LRP1: variants seen among roughly 807,000 people sequenced by gnomAD.
LRP1 encodes the protein prolow-density lipoprotein receptor-related protein 1.
A neutral mutation model predicts 541.5 loss-of-function variants in LRP1; 51 were observed. That is an observed-to-expected ratio of 0.09 (90% CI 0.08 to 0.12). The LOEUF is 0.12. Among genes scored for constraint, LRP1 ranks in the 10% least tolerant of loss-of-function variants. LRP1 has a pLI of 1.00. For missense variants in LRP1, 3,878 were observed against 6,376.2 expected, an observed-to-expected ratio of 0.61 and a Z score of 13.34; for synonymous variants, 2,219 against 2,470.8, an observed-to-expected ratio of 0.90 and a Z score of 3.02.
chr12:57,141,128 TGG>T (rs2035281189), intron 2 of LRP1, among the ~76,000 whole-genome samples: 1 of 152,152 alleles, frequency 6.6e-6, no homozygotes, highest in Non-Finnish European at 1.5e-5. Context: ...CTGGGGTCCA[TGG>T]GAATGGGGCA....
At chr12:57,151,329 T>C (rs1431087133) in intron 6 of LRP1, among the ~76,000 whole-genome samples, 1 of 152,198 alleles carries the variant, frequency 6.6e-6, no homozygotes, top group Admixed American at 6.5e-5. Context: ...AATGGGCAGC[T>C]GTGGTCTCTC....
chr12:57,177,835 C>CTCCA lies in LRP1; in HGVS notation c.4361+245_4361+248dup, dbSNP rs1197278664. ...GTGGTTATTCACACTGTACCATCCTCTCCACTCACCTGTCCTCTCCACTCT... is the reference window on the plus strand; with the variant it reads ...GTGGTTATTCACACTGTACCATCCTCTCCATCCACTCACCTGTCCTCTCCACTCT... On this transcript the variant is annotated intron_variant, in intron 26 of 88. Coordinates refer to ENST00000243077, the MANE Select transcript of LRP1 (RefSeq NM_002332.3). The surrounding 1 kb of genome is among the most constrained non-coding windows in gnomAD (Gnocchi z 6.8). Among the ~76,000 whole-genome samples the CTCCA allele has an allele frequency of 6.6e-6, 1 of 152,116 alleles. No homozygotes were observed. Among genetic ancestry groups the CTCCA allele is most frequent in the African/African-American group, 2.4e-5 (1 of 41,422 alleles).
chr12:57,212,597 C>T lies in LRP1; in HGVS notation c.*42C>T. The T allele has an allele frequency of 2.6e-6, 4 of 1,539,128 alleles. No individual in the cohort carries two copies. Among genetic ancestry groups the T allele is most frequent in the Admixed American group, 2.0e-5 (1 of 50,758 alleles). ...ACTGCCCCCAGAAAGCCTCCTGCCC[C>T]CTGCCAGTGAAGTCCTTCAGTGAGC... On this transcript the variant is annotated 3_prime_UTR_variant, in exon 89 of 89. Coordinates refer to ENST00000243077, the MANE Select transcript of LRP1 (RefSeq NM_002332.3). The surrounding 1 kb of genome is among the most constrained non-coding windows in gnomAD (Gnocchi z 5.0).
intron 42 of LRP1, among the ~76,000 whole-genome samples, chr12:57,188,213 C>T (rs1241770919): frequency 1.3e-5 from 2 of 152,180 alleles, no homozygotes; most frequent in African/African-American, 2.4e-5. Context: ...TCTGTTCTCC[C>T]GCAGGGGCAG....
rs140738482 is a variant in LRP1 at position 57,147,128 on chromosome 12, G to A, written c.841+1638G>A. Among the ~76,000 whole-genome samples the A allele has an allele frequency of 2.8e-4, 43 of 151,984 alleles. No individual in the cohort carries two copies. The Middle Eastern group carries it at 0.01, about 36-fold the overall frequency. ...CTGCTAAACTCACTGGGCCTCTCAG[G>A]GGCAGAGTCCAGGAGGCTAGAAGAG... On this transcript the variant is annotated intron_variant, in intron 6 of 88. Transcript: ENST00000243077.
Position 57,167,048 on chromosome 12 carries a change from T to A in LRP1, c.2914+2T>A. 1.2e-6 allele frequency: 2 copies of A among 1,611,450 alleles called. No homozygotes were observed. The highest frequency in any genetic ancestry group is 1.7e-6 in the Non-Finnish European group (2 of 1,178,036). On this transcript the variant is annotated splice_donor_variant, in intron 18 of 88. Transcript: ENST00000243077. LOFTEE classifies it high-confidence loss of function. The stretch of plus-strand genomic sequence containing the variant: ...GCTCTGATGAGTCTGCTTCGTGTGG[T>A]AAGAGGGATGGGCAGAGGGAGTCAG...
chr12:57,189,547 T>G lies in LRP1; in HGVS notation c.7032-1258T>G, dbSNP rs2036334126. Among the ~76,000 whole-genome samples the G allele has an allele frequency of 6.6e-6, 1 of 152,096 alleles. No individual in the cohort carries two copies. The highest frequency in any genetic ancestry group is 1.5e-5 in the Non-Finnish European group (1 of 68,022). ...CCAGAGGGGCAGAGCAGCACCATTT[T>G]CCTACGTGAGCCCAGCAGAAGGCGG... On this transcript the variant is annotated intron_variant, in intron 42 of 88. Transcript: ENST00000243077. The surrounding 1 kb of genome is among the most constrained non-coding windows in gnomAD (Gnocchi z 4.4).
At chr12:57,140,891 C>G (rs2035275600) in intron 2 of LRP1, among the ~76,000 whole-genome samples, 1 of 152,102 alleles carries the variant, frequency 6.6e-6, no homozygotes, top group Non-Finnish European at 1.5e-5. Context: ...TGCCACCATG[C>G]CTGGCTAATT....
intron 19 of LRP1, among the ~76,000 whole-genome samples, chr12:57,168,684 C>T (rs911239648): frequency 5.3e-5 from 8 of 152,208 alleles, no homozygotes; most frequent in Non-Finnish European, 1.2e-4. Context: ...GGCAGGGCCC[C>T]TGTAAGCCAG....
At chr12:57,208,317 C>A in intron 77 of LRP1, 101 bp downstream of exon 77, 2 of 1,283,612 alleles carry the variant, frequency 1.6e-6, no homozygotes, top group Non-Finnish European at 2.2e-6. Context: ...CCTCCCAGGC[C>A]AGCCTGAGGA....
chr12:57,210,205 A>G, intron 81 of LRP1, 36 bp downstream of exon 81: 3 of 1,561,998 alleles, frequency 1.9e-6, no homozygotes, highest in Non-Finnish European at 2.6e-6. Context: ...GCCATGCCTC[A>G]GGACCATCTC....
chr12:57,159,074 T>A (rs1449071241), intron 11 of LRP1, among the ~76,000 whole-genome samples: 1 of 152,204 alleles, frequency 6.6e-6, no homozygotes, highest in Non-Finnish European at 1.5e-5. Context: ...GAGAAAATTG[T>A]GTTTTGTGAG....
Position 57,206,738 on chromosome 12 carries a change from C to T in LRP1, c.11856C>T (p.Leu3952=). ...RRQIDRGVTH[L]NISGLKMPRG... ...AGATTGACCGGGGTGTCACCCACCT[C>T]AACGTGAGTGCCCAACCTGGCGTGG... The change falls in exon 76 of 89, where the codon CTC becomes CTT. Residue 3952 remains leucine, a synonymous_variant. Coordinates refer to ENST00000243077, the MANE Select transcript of LRP1 (RefSeq NM_002332.3). The surrounding 1 kb of genome is among the most constrained non-coding windows in gnomAD (Gnocchi z 4.7). The T allele has an allele frequency of 1.2e-6, 2 of 1,611,068 alleles. No individual in the cohort carries two copies. Among genetic ancestry groups the T allele is most frequent in the Non-Finnish European group, 1.7e-6 (2 of 1,179,768 alleles).
Position 57,167,517 on chromosome 12 carries a change from C to T in LRP1, c.2988C>T (p.Cys996=), listed in dbSNP as rs145793811. The T allele has an allele frequency of 6.6e-5, 106 of 1,613,392 alleles. No individual in the cohort carries two copies. The highest frequency in any genetic ancestry group is 1.3e-4 in the African/African-American group (10 of 75,038). ...NGRCININWR[C]DNDNDCGDNS... Reference sequence around the variant, plus strand: ...GATGTATCAACATCAACTGGAGATGCGACAATGGTAAGAGCTTGCTCTCCT... The same window carrying T: ...GATGTATCAACATCAACTGGAGATGTGACAATGGTAAGAGCTTGCTCTCCT... The change falls in exon 19 of 89, where the codon TGC becomes TGT. Residue 996 remains cysteine, a synonymous_variant. Coordinates refer to ENST00000243077, the MANE Select transcript of LRP1 (RefSeq NM_002332.3).
chr12:57,204,501 C>T lies in LRP1; in HGVS notation c.11043C>T (p.Asp3681=), dbSNP rs2036726776. 1.9e-6 allele frequency: 3 copies of T among 1,593,754 alleles called. No homozygotes were observed. The highest frequency in any genetic ancestry group is 2.2e-5 in the East Asian group (1 of 44,588). The change falls in exon 71 of 89, where the codon GAC becomes GAT. Residue 3681 remains aspartate (D), a synonymous_variant. Coordinates refer to ENST00000243077, the MANE Select transcript of LRP1 (RefSeq NM_002332.3). The surrounding 1 kb of genome is among the most constrained non-coding windows in gnomAD (Gnocchi z 5.3). The stretch of plus-strand genomic sequence containing the variant: ...GCGATGGCGAGGATGACTGTGGGGA[C>T]AACTCAGATGAGAACCCCGAGGAGT... The part of the protein sequence containing the change: ...WKCDGEDDCG[D]NSDENPEECA...
At chr12:57,164,205 T>C (rs2035795019) in intron 15 of LRP1, among the ~76,000 whole-genome samples, 1 of 152,050 alleles carries the variant, frequency 6.6e-6, no homozygotes, top group Admixed American at 6.6e-5. Context: ...AAGTAAACAG[T>C]ATAGAAAAAC....
intron 34 of LRP1, among the ~76,000 whole-genome samples, chr12:57,182,230 G>GCC (rs1412924324): frequency 6.6e-6 from 1 of 152,160 alleles, no homozygotes; most frequent in Admixed American, 6.5e-5. Context: ...GGAAAACTGG[G>GCC]CCAGGCGCAG....
rs1419856472 is a variant in LRP1, at chr12:57,206,833, G to A, written c.11859+92G>A. On this transcript the variant is annotated intron_variant, in intron 76 of 88. Transcript: ENST00000243077. This position sits in a 1 kb window ranked among gnomAD's most constrained non-coding sequence, Gnocchi z 4.7. ...TTGAAAAGGGCAGTGCTGGCTAGGC[G>A]CAGTGGCTCACGCCTATAATCCCAG... 11 of 1,432,026 alleles carry A rather than the reference G, an allele frequency of 7.7e-6. No homozygotes were observed. Among genetic ancestry groups the A allele is most frequent in the East Asian group, 4.7e-5 (2 of 42,594 alleles). The allele number at this position is 1,432,026 out of a possible 1,614,324, so 88.7% of individuals were successfully genotyped here. A position where few individuals can be genotyped will look rare whatever the true frequency, so the allele number is the denominator to read the frequency against.
rs373714742 is a variant in LRP1, at chr12:57,211,755, C to T, written c.13199C>T (p.Pro4400Leu). 1 of 1,613,300 alleles carries T rather than the reference C, an allele frequency of 6.2e-7. No individual in the cohort carries two copies. Among genetic ancestry groups the T allele is most frequent in the Non-Finnish European group, 8.5e-7 (1 of 1,179,958 alleles). The part of the protein sequence containing the change: ...NSKMMPECQC[P>L]PHMTGPRCEE... ...CGTGTCCCTCCTTTCTGCAGGTGCC[C>T]ACCCCACATGACAGGGCCCCGGTGT... The change falls in exon 86 of 89, where the codon CCA (proline) becomes CTA (leucine). Residue 4400 changes from proline to leucine, a missense_variant. Transcript: ENST00000243077. This position sits in a 1 kb window ranked among gnomAD's most constrained non-coding sequence, Gnocchi z 4.3.
Sources: allele counts gnomAD v4.1 joint callset (sites outside exome capture counted in the v4.1 genomes callset), GRCh38; gene constraint gnomAD v4.1.1; non-coding constraint Gnocchi (gnomAD v3.1); transcripts MANE v1.5; gene names NCBI Gene and HGNC (gene_info 2026-07-23, HGNC 2026-07-21).